The following ATF6 variants were observed in gnomAD, a reference collection of about 807,000 sequenced individuals.
The protein encoded by ATF6 is activating transcription factor 6, also known as cyclic AMP-dependent transcription factor ATF-6 alpha.
In ATF6, 53 loss-of-function variants were observed where a neutral mutation model predicts 83.6. That is an observed-to-expected ratio of 0.63 (90% CI 0.51 to 0.80). The LOEUF (loss-of-function observed/expected upper bound fraction) is 0.80. Ranked by LOEUF, ATF6 falls within the 30% of genes least tolerant of loss-of-function variation. The pLI is 0.00. For missense variants in ATF6, 744 were observed against 797.9 expected, an observed-to-expected ratio of 0.93 and a Z score of 0.81; for synonymous variants, 288 against 285.8, an observed-to-expected ratio of 1.01 and a Z score of -0.08.
chr1:161,915,445 A>C (rs1288492142), intron 15 of ATF6, among the ~76,000 whole-genome samples: 1 of 152,180 alleles, frequency 6.6e-6, no homozygotes, highest in Non-Finnish European at 1.5e-5. Flanking sequence ...TACTGCAATA[A>C]TCATCATTGC....
chr1:161,773,140 A>ATTTTTTTTTTTTTTTTTT (rs759769528), intron 1 of ATF6, among the ~76,000 whole-genome samples: 3 of 130,070 alleles, frequency 2.3e-5, no homozygotes, highest in African/African-American at 8.7e-5. Flanking sequence ...TACTTTTTGT[A>ATTTTTTTTTTTTTTTTTT]TTTTTTTTTT....
intron 15 of ATF6, among the ~76,000 whole-genome samples, chr1:161,919,204 T>A (rs894358163): frequency 6.6e-6 from 1 of 152,236 alleles, no homozygotes; most frequent in African/African-American, 2.4e-5. Flanking sequence ...AGTAAGTCTT[T>A]CTTTGTCTGA....
chr1:161,887,497 T>C (rs542072076), intron 14 of ATF6, among the ~76,000 whole-genome samples: 2 of 152,320 alleles, frequency 1.3e-5, no homozygotes, highest in Admixed American at 6.5e-5. Flanking sequence ...AGGGGATAAT[T>C]GTTATCACCC....
At chr1:161,868,245 G>A (rs1687051082) in intron 14 of ATF6, among the ~76,000 whole-genome samples, 1 of 152,122 alleles carries the variant, frequency 6.6e-6, no homozygotes, top group Admixed American at 6.5e-5. Flanking sequence ...CTTACGCAGA[G>A]AATTACTATG....
At chr1:161,953,235 T>C (rs1388825718) in intron 15 of ATF6, among the ~76,000 whole-genome samples, 5 of 152,208 alleles carry the variant, frequency 3.3e-5, no homozygotes, top group Non-Finnish European at 7.3e-5. Flanking sequence ...ATCAAGTTTC[T>C]TTTTAACCTA....
At chr1:161,923,548 G>A (rs1688255879) in intron 15 of ATF6, among the ~76,000 whole-genome samples, 1 of 152,140 alleles carries the variant, frequency 6.6e-6, no homozygotes, top group Non-Finnish European at 1.5e-5. Flanking sequence ...GGAAAAAATA[G>A]GGTTAATGGT....
intron 14 of ATF6, among the ~76,000 whole-genome samples, chr1:161,878,068 G>A (rs970663827): frequency 6.6e-6 from 1 of 152,078 alleles, no homozygotes; most frequent in African/African-American, 2.4e-5. Flanking sequence ...CTCAAGAGAG[G>A]ATAGATCTGA....
At chr1:161,782,231 CAGA>C (rs1363240347) in intron 3 of ATF6, among the ~76,000 whole-genome samples, 2 of 152,132 alleles carry the variant, frequency 1.3e-5, no homozygotes, top group Non-Finnish European at 2.9e-5. Flanking sequence ...CAGTTCATAT[CAGA>C]AATAGAAATA....
chr1:161,825,360 C>T (rs1685867415), intron 9 of ATF6, among the ~76,000 whole-genome samples: 1 of 152,176 alleles, frequency 6.6e-6, no homozygotes, highest in Non-Finnish European at 1.5e-5. Context: ...TCATTTCTGA[C>T]ACTACCTGGA....
chr1:161,802,051 G>C lies in ATF6; in HGVS notation c.689-1G>C. On this transcript the variant is annotated splice_acceptor_variant, in intron 6 of 15. Coordinates refer to ENST00000367942, the MANE Select transcript of ATF6 (RefSeq NM_007348.4). LOFTEE classifies it high-confidence loss of function. ...GATTCCTTTTCTTTTTTCTAACGCA[G>C]GCCAGACGGTTTTGCTGTCTCAGCC... 6.2e-7 allele frequency: 1 copy of C among 1,613,924 alleles called. No homozygotes were observed. The highest frequency in any genetic ancestry group is 8.5e-7 in the Non-Finnish European group (1 of 1,179,928).
At chr1:161,948,633 A>G (rs1427503028) in intron 15 of ATF6, among the ~76,000 whole-genome samples, 2 of 152,264 alleles carry the variant, frequency 1.3e-5, no homozygotes, top group Non-Finnish European at 2.9e-5. Flanking sequence ...ATTAGATTCC[A>G]TCTAAGGATG....
chr1:161,785,841 A>G (rs957401083), intron 4 of ATF6, among the ~76,000 whole-genome samples: 1 of 151,828 alleles, frequency 6.6e-6, no homozygotes, highest in Non-Finnish European at 1.5e-5. Context: ...TCCCATCATC[A>G]CTCCACAATA....
chr1:161,910,773 A>G (rs1413672520), intron 14 of ATF6, among the ~76,000 whole-genome samples: 1 of 152,150 alleles, frequency 6.6e-6, no homozygotes, highest in Non-Finnish European at 1.5e-5. Flanking sequence ...TCTTGGTTAT[A>G]ATGTTATCTT....
At chr1:161,864,229 A>G (rs1277442804) in intron 14 of ATF6, among the ~76,000 whole-genome samples, 1 of 152,076 alleles carries the variant, frequency 6.6e-6, no homozygotes, top group Non-Finnish European at 1.5e-5. Flanking sequence ...TGACCCTTGA[A>G]CAACACAAGT....
chr1:161,860,181 A>T, intron 12 of ATF6, 26 bp from the exon 13 acceptor site: 1 of 1,476,278 alleles, frequency 6.8e-7, no homozygotes, highest in Non-Finnish European at 9.3e-7. Context: ...TACAGTATTA[A>T]ACTTTTTTTT....
At chr1:161,860,040 A>T (rs1418579550) in intron 12 of ATF6, among the ~76,000 whole-genome samples, 167 bp from the exon 13 acceptor site, 1 of 152,120 alleles carries the variant, frequency 6.6e-6, no homozygotes, top group African/African-American at 2.4e-5. Context: ...ACTAGAATGG[A>T]CCTAAAGAGT....
chr1:161,952,738 G>A (rs111759390), intron 15 of ATF6, among the ~76,000 whole-genome samples: 1,955 of 152,206 alleles, frequency 0.013, 15 homozygotes, highest in South Asian at 0.017. Context: ...CGCTTGCACT[G>A]ATCTGTACTG....
chr1:161,848,446 A>G (rs992879533), intron 10 of ATF6, among the ~76,000 whole-genome samples: 4 of 152,278 alleles, frequency 2.6e-5, no homozygotes, highest in Non-Finnish European at 5.9e-5. Context: ...CAAATAAAAA[A>G]TGAGTAGATT....
chr1:161,802,021 C>T, intron 6 of ATF6, 31 bp from the exon 7 acceptor site: 1 of 1,608,358 alleles, frequency 6.2e-7, no homozygotes, highest in Admixed American at 1.7e-5. Context: ...AGTTGTGTAC[C>T]CTTTGATTCC....
Sources: allele counts gnomAD v4.1 joint callset (sites outside exome capture counted in the v4.1 genomes callset), GRCh38; gene constraint gnomAD v4.1.1; transcripts MANE v1.5; gene names NCBI Gene and HGNC (gene_info 2026-07-23, HGNC 2026-07-21).